Variants in TBCK observed in about 807,000 individuals in gnomAD.
The protein encoded by TBCK is TBC1 domain containing kinase, also known as TBC domain-containing protein kinase-like protein.
Under a neutral mutation model 113.4 loss-of-function variants are expected in TBCK, and 99 were observed. The ratio of observed to expected loss-of-function variants is 0.87; its 90% CI spans 0.74 to 1.03. The LOEUF (loss-of-function observed/expected upper bound fraction) is 1.03, where lower values mean the gene tolerates loss of function less well. Among genes scored for constraint, TBCK ranks in the 50% least tolerant of loss-of-function variants. The pLI, the probability that TBCK is intolerant of heterozygous loss-of-function variation, is 0.00. For missense variants in TBCK, 1,045 were observed against 1,061.3 expected, an observed-to-expected ratio of 0.98 and a Z score of 0.21; for synonymous variants, 369 against 370.8, an observed-to-expected ratio of 1.00 and a Z score of 0.05.
At chr4:106,126,120 C>T (rs1156444596) in intron 23 of TBCK, among the ~76,000 whole-genome samples, 1 of 152,324 alleles carries the variant, frequency 6.6e-6, no homozygotes, top group Admixed American at 6.5e-5. Context: ...TAGAAAGCCA[C>T]AACCTGTGCA....
chr4:106,193,177 GTA>G (rs767678928), intron 22 of TBCK, among the ~76,000 whole-genome samples: 1 of 152,080 alleles, frequency 6.6e-6, no homozygotes, highest in Non-Finnish European at 1.5e-5. Context: ...TTGTCAAATC[GTA>G]AAATTGTTAG....
At chr4:106,116,175 C>T in intron 24 of TBCK, 28 bp downstream of exon 24, 3 of 1,607,258 alleles carry the variant, frequency 1.9e-6, no homozygotes, top group East Asian at 2.2e-5. Context: ...GCAGTACCAC[C>T]CTTTAAAACA....
chr4:106,298,892 A>G (rs72878537), intron 2 of TBCK, among the ~76,000 whole-genome samples: 25,678 of 152,172 alleles, frequency 0.17, 2,166 homozygotes, highest in South Asian at 0.25. Flanking sequence ...TCTGACTGAT[A>G]AGAATCAGAT....
chr4:106,281,017 T>C (rs1404486609), intron 3 of TBCK, among the ~76,000 whole-genome samples: 1 of 152,140 alleles, frequency 6.6e-6, no homozygotes, highest in African/African-American at 2.4e-5. Flanking sequence ...CTTTGGGTAG[T>C]ATGAACATTT....
intron 20 of TBCK, among the ~76,000 whole-genome samples, chr4:106,207,013 C>T (rs1755577364): frequency 6.6e-6 from 1 of 152,118 alleles, no homozygotes; most frequent in Non-Finnish European, 1.5e-5. Flanking sequence ...TTCAGGAAAA[C>T]AGTTCCCTTA....
chr4:106,235,242 G>A (rs781484265), intron 15 of TBCK, 27 bp downstream of exon 15: 2 of 1,494,652 alleles, frequency 1.3e-6, no homozygotes, highest in Admixed American at 3.8e-5. Context: ...TAATTAATCA[G>A]CTTCTAACCT....
chr4:106,290,885 G>A (rs763107408), intron 3 of TBCK, among the ~76,000 whole-genome samples: 1 of 152,220 alleles, frequency 6.6e-6, no homozygotes, highest in Non-Finnish European at 1.5e-5. Context: ...TCAGGGTTGC[G>A]GGCTCCTTAT....
intron 17 of TBCK, 31 bp downstream of exon 17, chr4:106,232,907 C>T (rs924309341): frequency 6.3e-7 from 1 of 1,597,152 alleles, no homozygotes. Flanking sequence ...TTCTAATACT[C>T]CAGAGGAGTT....
intron 22 of TBCK, among the ~76,000 whole-genome samples, chr4:106,193,116 T>C (rs1249305840): frequency 3.3e-5 from 5 of 152,198 alleles, no homozygotes; most frequent in African/African-American, 1.2e-4. Flanking sequence ...CATATTCTCC[T>C]GCATTGCATG....
At chr4:106,055,521 T>G (rs1370287627) in intron 25 of TBCK, among the ~76,000 whole-genome samples, 2 of 150,448 alleles carry the variant, frequency 1.3e-5, no homozygotes, top group Non-Finnish European at 3.0e-5. Context: ...CAATGCAACT[T>G]CATAGTTTGG....
chr4:106,089,323 C>T (rs1163368570), intron 25 of TBCK, among the ~76,000 whole-genome samples: 6 of 152,280 alleles, frequency 3.9e-5, no homozygotes, highest in African/African-American at 1.4e-4. Flanking sequence ...CATTCATGAG[C>T]GATCTTCCCC....
chr4:106,207,865 C>G (rs112134970), intron 20 of TBCK, among the ~76,000 whole-genome samples: 1 of 152,274 alleles, frequency 6.6e-6, no homozygotes, highest in East Asian at 1.9e-4. Flanking sequence ...GACTCTTCTT[C>G]AGGTTAAGAT....
intron 24 of TBCK, among the ~76,000 whole-genome samples, chr4:106,108,633 C>A (rs1469664569): frequency 6.6e-6 from 1 of 152,146 alleles, no homozygotes; most frequent in Non-Finnish European, 1.5e-5. Flanking sequence ...CTATCTATGA[C>A]AAAACCACAG....
chr4:106,121,682 C>T (rs1744402905), intron 23 of TBCK, among the ~76,000 whole-genome samples: 1 of 152,136 alleles, frequency 6.6e-6, no homozygotes, highest in Non-Finnish European at 1.5e-5. Context: ...ATCTCTCAGA[C>T]CACAGTGCAA....
At chr4:106,315,736 T>C (rs1768752064) in intron 1 of TBCK, 195 bp downstream of exon 1, 2 of 152,286 alleles carry the variant, frequency 1.3e-5, no homozygotes, top group African/African-American at 4.8e-5. Flanking sequence ...CCCAAACGAC[T>C]CAGGTGAACC....
chr4:106,219,802 G>T (rs950364128), intron 19 of TBCK, among the ~76,000 whole-genome samples: 3 of 151,974 alleles, frequency 2.0e-5, no homozygotes, highest in African/African-American at 7.2e-5. Flanking sequence ...GCCACCCAAA[G>T]TGCTGAGATT....
intron 3 of TBCK, among the ~76,000 whole-genome samples, chr4:106,288,092 C>T (rs1423533373): frequency 6.8e-6 from 1 of 147,444 alleles, no homozygotes; most frequent in African/African-American, 2.5e-5. Flanking sequence ...GTGAATAACT[C>T]AACAACCCTT....
chr4:106,160,763 G>C (rs1352037483), intron 23 of TBCK, among the ~76,000 whole-genome samples: 1 of 151,832 alleles, frequency 6.6e-6, no homozygotes, highest in African/African-American at 2.4e-5. Context: ...TCCACTTTTG[G>C]ATATATGCCA....
intron 22 of TBCK, among the ~76,000 whole-genome samples, chr4:106,190,943 T>C (rs1376135380): frequency 1.3e-5 from 2 of 152,132 alleles, no homozygotes; most frequent in African/African-American, 4.8e-5. Context: ...AGTTTCACCA[T>C]GTTAGCCAGG....
Sources: gnomAD v4.1 joint callset for allele counts (sites outside exome capture counted in the v4.1 genomes callset) on GRCh38, gnomAD v4.1.1 for gene constraint, MANE v1.5 for transcripts, NCBI Gene and HGNC (gene_info 2026-07-23, HGNC 2026-07-21) for gene names.